The following PHF8 variants were observed in gnomAD, a reference collection of about 807,000 sequenced individuals.
PHF8 encodes the protein PHD finger protein 8.
Under a neutral mutation model 74.4 loss-of-function variants are expected in PHF8, and 9 were observed. The ratio of observed to expected loss-of-function variants is 0.12; its 90% CI spans 0.07 to 0.21. The LOEUF (loss-of-function observed/expected upper bound fraction) is 0.21, where lower values mean the gene tolerates loss of function less well. Ranked by LOEUF, PHF8 falls within the 10% of genes least tolerant of loss-of-function variation. The probability of loss-of-function intolerance (pLI) is 1.00; values close to 1 mark genes in which losing one functional copy is unlikely to be tolerated. For synonymous variants in PHF8, 311 were observed against 316.6 expected (o/e 0.98, Z 0.19); for missense variants, 478 against 816.6 (o/e 0.59, Z 5.05).
At chrX:53,957,032 G>A (rs782320936) in intron 19 of PHF8, among the ~76,000 whole-genome samples, 66 of 109,818 alleles carry the variant, frequency 6.0e-4, no homozygotes, top group South Asian at 3.1e-3. Flanking sequence ...CCAACATGGC[G>A]AAACCCTGTC....
At chrX:53,942,790 C>A in intron 20 of PHF8, 3 of 752,642 alleles carry the variant, frequency 4.0e-6, no homozygotes, top group Non-Finnish European at 4.7e-6. Flanking sequence ...GTAAAAGGAA[C>A]ATCTTGTGTA....
rs782086975 is a variant in PHF8 at position 53,942,129 on chromosome X, C to T, written c.2650-1613G>A. Among the ~76,000 whole-genome samples, 4 of 112,027 alleles carry T rather than the reference C, an allele frequency of 3.6e-5. No homozygotes were observed. In the East Asian group the frequency reaches 8.3e-4, roughly 23 times the overall value. On this transcript the variant is annotated intron_variant, in intron 20 of 21. Transcript: ENST00000338154. ...TTATGACAGAACCACTTTCACCTTG[C>T]CAATCCCGTTGCTCAAAAAGCTGTT...
Position 53,937,227 on chromosome X carries a change from C to CAG in PHF8, c.*1929_*1930dup, listed in dbSNP as rs1396409531. ...CTAAGCTAAATGAAACCCAGTCAAACAGAGGCTGGGTTTCAGCTCCACAGA... is the reference window on the plus strand; with the variant it reads ...CTAAGCTAAATGAAACCCAGTCAAACAGAGAGGCTGGGTTTCAGCTCCACAGA... On this transcript the variant is annotated 3_prime_UTR_variant, in exon 22 of 22. Transcript: ENST00000338154. 9.0e-6 allele frequency: 1 copy of CAG among 111,713 alleles called. No homozygotes were observed. The highest frequency in any genetic ancestry group is 9.5e-5 in the Admixed American group (1 of 10,493). 9.2% of individuals were successfully genotyped at this position (111,713 alleles called of 1,213,427 possible).
chrX:54,004,330 T>G (rs2065866506), intron 8 of PHF8, among the ~76,000 whole-genome samples: 1 of 108,922 alleles, frequency 9.2e-6, no homozygotes, highest in African/African-American at 3.3e-5. Context: ...GGGAGTTGGG[T>G]GGGAGTGAAT....
intron 4 of PHF8, among the ~76,000 whole-genome samples, chrX:54,019,453 C>A (rs1269716532): frequency 9.3e-6 from 1 of 107,556 alleles, no homozygotes; most frequent in Non-Finnish European, 1.9e-5. Flanking sequence ...AAATGAGACC[C>A]TGTCTCAAAA....
chrX:54,023,794 T>C (rs782627983), intron 2 of PHF8, among the ~76,000 whole-genome samples: 2 of 102,862 alleles, frequency 1.9e-5, no homozygotes, highest in Non-Finnish European at 3.9e-5. Context: ...TGGGCCATGA[T>C]TGTGCTACCG....
chrX:54,032,389 CCTCA>C (rs782766165), intron 2 of PHF8, among the ~76,000 whole-genome samples: 2 of 110,757 alleles, frequency 1.8e-5, no homozygotes, highest in African/African-American at 3.3e-5. Flanking sequence ...ATTACTCTCC[CCTCA>C]CTCACTCTGT....
chrX:53,996,132 T>C (rs2065743138), intron 11 of PHF8, among the ~76,000 whole-genome samples: 1 of 110,932 alleles, frequency 9.0e-6, no homozygotes, highest in African/African-American at 3.3e-5. Context: ...TTTTTTTTTT[T>C]TGAGATGGAG....
chrX:53,988,754 CAA>C (rs1287482644), intron 14 of PHF8, among the ~76,000 whole-genome samples: 3 of 56,163 alleles, frequency 5.3e-5, no homozygotes, highest in Non-Finnish European at 7.0e-5. Context: ...GACTCCGTCT[CAA>C]AAAAAAAAAA....
At chrX:53,971,151 A>C (rs1400529743) in intron 18 of PHF8, among the ~76,000 whole-genome samples, 1 of 111,910 alleles carries the variant, frequency 8.9e-6, no homozygotes, top group Admixed American at 9.6e-5. Flanking sequence ...AGACCACAGC[A>C]CAATAAAATT....
At chrX:53,984,021 CTAATTTTGGTCAA>C (rs1294252718) in intron 18 of PHF8, among the ~76,000 whole-genome samples, 1 of 112,631 alleles carries the variant, frequency 8.9e-6, no homozygotes, top group Non-Finnish European at 1.9e-5. Context: ...CCATCTTCTT[CTAATTTTGGTCAA>C]TAAGCATTAA....
At chrX:54,011,900 G>C (rs1206360013) in intron 7 of PHF8, among the ~76,000 whole-genome samples, 2 of 104,804 alleles carry the variant, frequency 1.9e-5, no homozygotes, top group Non-Finnish European at 3.9e-5. Context: ...CAAAAACCCA[G>C]TAGCACAAAT....
In PHF8 at chrX:54,043,799, T is replaced by C; in HGVS notation, c.-130A>G. ...GCTTCCCCAACTGACAGGAACCTCC[T>C]CACGCCCCAAACCTGACAAGAACGT... is the stretch of plus-strand genomic sequence containing the variant. On this transcript the variant is annotated 5_prime_UTR_variant, in exon 1 of 22. Coordinates refer to ENST00000338154, the MANE Select transcript of PHF8 (RefSeq NM_015107.3). The C allele has an allele frequency of 1.3e-6, 1 of 752,848 alleles. No homozygotes were observed. The highest frequency in any genetic ancestry group is 1.6e-6 in the Non-Finnish European group (1 of 638,018). The allele number at this position is 752,848 out of a possible 1,213,427, so 62.0% of individuals were successfully genotyped here.
intron 18 of PHF8, among the ~76,000 whole-genome samples, chrX:53,977,402 G>A (rs147808425): frequency 8.9e-6 from 1 of 112,078 alleles, no homozygotes; most frequent in African/African-American, 3.2e-5. Context: ...TCTTAACAAT[G>A]CATTCAAAAT....
chrX:53,954,499 C>CAAAAAAAAAAAAAAAAAAAAAAAAAA, intron 19 of PHF8, among the ~76,000 whole-genome samples: 1 of 13,124 alleles, frequency 7.6e-5, no homozygotes, highest in Non-Finnish European at 1.4e-4. Context: ...GACTCTGTCT[C>CAAAAAAAAAAAAAAAAAAAAAAAAAA]AAAAAAAAAA....
Position 54,017,835 on chromosome X carries a change from G to A in PHF8, c.294-14C>T, listed in dbSNP as rs2066098383. 2 of 1,206,254 alleles carry A rather than the reference G, an allele frequency of 1.7e-6. No individual in the cohort carries two copies. The highest frequency in any genetic ancestry group is 1.8e-5 in the South Asian group (1 of 56,678). On this transcript the variant is annotated splice_polypyrimidine_tract_variant and intron_variant, in intron 4 of 21. Transcript: ENST00000338154. Reference sequence around the variant, plus strand: ...ACTTCATCTGAGCTGTGGGCCGCAGGAGAGAAAGCTTGAGCCTGAGGCCCT... The same window carrying A: ...ACTTCATCTGAGCTGTGGGCCGCAGAAGAGAAAGCTTGAGCCTGAGGCCCT...
chrX:54,046,569 C>T (rs1557117524), upstream of PHF8, among the ~76,000 whole-genome samples: 1 of 79,294 alleles, frequency 1.3e-5, no homozygotes, highest in Non-Finnish European at 2.6e-5. Flanking sequence ...GGTGACAGAG[C>T]GAGACTCCAT....
intron 6 of PHF8, among the ~76,000 whole-genome samples, chrX:54,016,203 G>A (rs1183112158): frequency 9.0e-6 from 1 of 111,589 alleles, no homozygotes; most frequent in Admixed American, 9.6e-5. Flanking sequence ...AGAAGAGAAA[G>A]GAACACGAGG....
intron 2 of PHF8, among the ~76,000 whole-genome samples, chrX:54,024,324 TCA>T (rs1162902904): frequency 8.9e-6 from 1 of 112,012 alleles, no homozygotes; most frequent in African/African-American, 3.2e-5. Flanking sequence ...GTATCCGGTT[TCA>T]CAGTAAGTGC....
Sources: gnomAD v4.1 joint callset for allele counts (sites outside exome capture counted in the v4.1 genomes callset) on GRCh38, gnomAD v4.1.1 for gene constraint, MANE v1.5 for transcripts, NCBI Gene and HGNC (gene_info 2026-07-23, HGNC 2026-07-21) for gene names.